CENPF: variants seen among roughly 807,000 people sequenced by gnomAD.
The protein encoded by CENPF is AH antigen.
In CENPF, 214 loss-of-function variants were observed where a neutral mutation model predicts 307.3. The observed-to-expected ratio is 0.70, with a 90% CI of 0.62 to 0.78. The LOEUF (loss-of-function observed/expected upper bound fraction) is 0.78. CENPF is among the 30% of genes least tolerant of loss of function. CENPF has a pLI of 0.00. For missense variants in CENPF, 3,401 were observed against 3,483.9 expected (o/e 0.98, Z 0.60); for synonymous variants, 1,259 against 1,270.6 (o/e 0.99, Z 0.19).
At chr1:214,618,014 A>T (rs1240256205) in intron 3 of CENPF, among the ~76,000 whole-genome samples, 1 of 152,196 alleles carries the variant, frequency 6.6e-6, no homozygotes, top group African/African-American at 2.4e-5. Flanking sequence ...TCCGCTGGGA[A>T]ACTTACAATC....
chr1:214,645,274 A>C lies in CENPF; in HGVS notation c.5704A>C (p.Asn1902His), dbSNP rs376299939. The C allele has an allele frequency of 1.9e-6, 3 of 1,613,978 alleles. No homozygotes were observed. The highest frequency in any genetic ancestry group is 2.5e-6 in the Non-Finnish European group (3 of 1,180,020). Residue 1902 changes from asparagine (N) to histidine (H), a missense_variant, in exon 13 of 20, where the codon AAT becomes CAT. Coordinates refer to ENST00000366955, the MANE Select transcript of CENPF (RefSeq NM_016343.4). ...GAAGGAGAGATTTCTTGATGTGGAA[A>C]ATGAGCTGAGTAGGATCAGATCGGA... Reference protein sequence around the residue: ...SWKERFLDVENELSRIRSEKA... With the variant: ...SWKERFLDVEHELSRIRSEKA...
chr1:214,644,410 A>G, intron 12 of CENPF, 147 bp from the exon 13 acceptor site: 2 of 719,772 alleles, frequency 2.8e-6, no homozygotes, highest in Non-Finnish European at 4.3e-6. Context: ...GAATGAAGAG[A>G]GAAAGATGTA....
intron 1 of CENPF, chr1:214,608,211 G>T: frequency 8.1e-7 from 1 of 1,239,290 alleles, no homozygotes; most frequent in South Asian, 1.4e-5. Flanking sequence ...CTCCCCTCCT[G>T]CAGAGCCGCC....
chr1:214,616,179 T>C (rs982165734), intron 3 of CENPF, among the ~76,000 whole-genome samples: 3 of 152,224 alleles, frequency 2.0e-5, no homozygotes, highest in East Asian at 3.9e-4. Context: ...TGATGGTGTT[T>C]GTGTTTTTCT....
Position 214,618,649 on chromosome 1 carries a change from C to T in CENPF, c.436C>T (p.Gln146Ter), listed in dbSNP as rs753435122. 4.3e-6 allele frequency: 7 copies of T among 1,613,780 alleles called. No homozygotes were observed. The Admixed American group carries it at 6.7e-5, about 15-fold the overall frequency. ...CTCTCTGAATCCATGCAATACACCA[C>T]AAAAAATTTTTACAACTCCACTAAC... is the stretch of plus-strand genomic sequence containing the variant. ...DVSLNPCNTP[Q>*]KIFTTPLTPS... The change falls in exon 4 of 20, where the codon CAA (glutamine) becomes TAA (stop). Residue 146 changes from glutamine to a stop codon, truncating the protein, a stop_gained. Transcript: ENST00000366955. LOFTEE classifies it high-confidence loss of function.
At chr1:214,656,652 A>G (rs556016016) in intron 17 of CENPF, among the ~76,000 whole-genome samples, 4 of 152,344 alleles carry the variant, frequency 2.6e-5, no homozygotes, top group African/African-American at 9.6e-5. Context: ...TGACGCTGCA[A>G]GAACGTTTAA....
chr1:214,608,678 T>G, intron 1 of CENPF: 1 of 1,597,758 alleles, frequency 6.3e-7, no homozygotes, highest in South Asian at 1.1e-5. Context: ...GCCCGCAGGG[T>G]CCCCAAGGGG....
intron 18 of CENPF, 124 bp from the exon 19 acceptor site, chr1:214,658,726 G>A: frequency 1.1e-6 from 1 of 876,198 alleles, no homozygotes; most frequent in Non-Finnish European, 1.8e-6. Flanking sequence ...ATTGACCACA[G>A]TGGCTAGGAC....
intron 1 of CENPF, among the ~76,000 whole-genome samples, chr1:214,607,874 G>A (rs1207978080): frequency 2.6e-5 from 4 of 152,262 alleles, no homozygotes; most frequent in East Asian, 1.9e-4. Flanking sequence ...GCCAAGCTCC[G>A]CAGCCACAGG....
chr1:214,640,776 A>C lies in CENPF; in HGVS notation c.2438A>C (p.Glu813Ala). The change falls in exon 12 of 20, where the codon GAA (glutamate) becomes GCA (alanine). Residue 813 changes from glutamate to alanine, a missense_variant. Coordinates refer to ENST00000366955, the MANE Select transcript of CENPF (RefSeq NM_016343.4). ...GGAAGCATGCCTTCAGAGAGGAGTG[A>C]ATGTCGTTTAGAAGCAGACCAAAGT... ...EQGSMPSERS[E>A]CRLEADQSPK... The C allele has an allele frequency of 6.2e-7, 1 of 1,613,318 alleles. No individual in the cohort carries two copies. The highest frequency in any genetic ancestry group is 8.5e-7 in the Non-Finnish European group (1 of 1,179,794).
chr1:214,610,688 T>G (rs1657174977), intron 1 of CENPF, among the ~76,000 whole-genome samples: 1 of 152,208 alleles, frequency 6.6e-6, no homozygotes, highest in Non-Finnish European at 1.5e-5. Context: ...TTCAGTTTAA[T>G]TAGATCTCAT....
intron 1 of CENPF, among the ~76,000 whole-genome samples, chr1:214,612,312 C>T (rs895788191): frequency 1.3e-5 from 2 of 152,060 alleles, no homozygotes; most frequent in Admixed American, 6.6e-5. Context: ...TAAATCCTGG[C>T]GATGAAGCCT....
chr1:214,645,783 A>G lies in CENPF; in HGVS notation c.6213A>G (p.Glu2071=). ...LNKEKELLVK[E]SESLQARLSE... The stretch of plus-strand genomic sequence containing the variant: ...AAGAGAAAGAATTGCTTGTCAAGGA[A>G]TCTGAAAGCCTGCAGGCCAGACTGA... The change falls in exon 13 of 20, where the codon GAA becomes GAG. Residue 2071 remains glutamate (E), a synonymous_variant. Transcript: ENST00000366955. 6.2e-7 allele frequency: 1 copy of G among 1,614,202 alleles called. No individual in the cohort carries two copies. The highest frequency in any genetic ancestry group is 1.1e-5 in the South Asian group (1 of 91,086).
At chr1:214,608,964 C>T in intron 1 of CENPF, 1 of 962,406 alleles carries the variant, frequency 1.0e-6, no homozygotes, top group Non-Finnish European at 1.4e-6. Context: ...GCCCCCCCAG[C>T]TACGGCCCCA....
At chr1:214,605,672 CCG>C in intron 1 of CENPF, 1 of 1,580,388 alleles carries the variant, frequency 6.3e-7, no homozygotes, top group South Asian at 1.1e-5. Context: ...GTTGGTGCCG[CCG>C]CTAGGCGAGC....
At chr1:214,604,476 G>T (rs1326967121) in intron 1 of CENPF, among the ~76,000 whole-genome samples, 1 of 152,126 alleles carries the variant, frequency 6.6e-6, no homozygotes, top group Non-Finnish European at 1.5e-5. Flanking sequence ...TCTAATCACA[G>T]TTAGCTTGGT....
rs536657776 is a variant in CENPF, at chr1:214,647,140, A to G, written c.7570A>G (p.Ile2524Val). The G allele has an allele frequency of 5.0e-6, 8 of 1,614,076 alleles. No homozygotes were observed. In the African/African-American group the frequency reaches 5.3e-5, roughly 11 times the overall value. ...GAAACTGGAGAAGAAGGATGAAGAA[A>G]TCAGTAGACTGAAAAATCAAATTCA... ...KQKLEKKDEE[I>V]SRLKNQIQDQ... The change falls in exon 13 of 20, where the codon ATC becomes GTC. Residue 2524 changes from isoleucine (I) to valine (V), a missense_variant. Coordinates refer to ENST00000366955, the MANE Select transcript of CENPF (RefSeq NM_016343.4).
At chr1:214,625,750 A>T (rs1268412873) in intron 7 of CENPF, among the ~76,000 whole-genome samples, 1 of 151,618 alleles carries the variant, frequency 6.6e-6, no homozygotes, top group African/African-American at 2.4e-5. Flanking sequence ...GCTTCTAGTG[A>T]TTGTTCTAGA....
At chr1:214,603,701 C>G (rs933580876) in intron 1 of CENPF, 1 of 152,134 alleles carries the variant, frequency 6.6e-6, no homozygotes, top group Non-Finnish European at 1.5e-5. Flanking sequence ...GAAATTCAGG[C>G]CCTGGTCCTT....
Sources: allele counts gnomAD v4.1 joint callset (sites outside exome capture counted in the v4.1 genomes callset), GRCh38; gene constraint gnomAD v4.1.1; transcripts MANE v1.5; gene names NCBI Gene and HGNC (gene_info 2026-07-23, HGNC 2026-07-21).